SHANK2: variants seen among roughly 807,000 people sequenced by gnomAD.
The protein encoded by SHANK2 is SH3 and multiple ankyrin repeat domains 2, also known as SH3 and multiple ankyrin repeat domains protein 2.
SHANK2 carries 43 observed loss-of-function variants against 133.7 expected under a neutral mutation model. That is an observed-to-expected ratio of 0.32 (90% CI 0.25 to 0.41). The LOEUF (loss-of-function observed/expected upper bound fraction) is 0.41. Ranked by LOEUF, SHANK2 falls within the 10% of genes least tolerant of loss-of-function variation. The pLI is 1.00. For missense variants in SHANK2, 1,994 were observed against 2,235.8 expected (o/e 0.89, Z 2.18); for synonymous variants, 1,017 against 952.8 (o/e 1.07, Z -1.24).
intron 17 of SHANK2, among the ~76,000 whole-genome samples, chr11:70,650,676 C>T (rs886144596): frequency 6.6e-6 from 1 of 152,198 alleles, no homozygotes; most frequent in Non-Finnish European, 1.5e-5. Flanking sequence ...ACATTCCTGA[C>T]CCCCTAAGCT....
chr11:70,514,634 A>G (rs782329335), intron 17 of SHANK2, among the ~76,000 whole-genome samples: 3 of 152,224 alleles, frequency 2.0e-5, no homozygotes, highest in Admixed American at 6.5e-5. Flanking sequence ...TATATTTTAC[A>G]TGGAGTGTAC....
At chr11:71,113,890 C>T (rs551431311) in intron 4 of SHANK2, among the ~76,000 whole-genome samples, 1 of 152,364 alleles carries the variant, frequency 6.6e-6, no homozygotes, top group East Asian at 1.9e-4. Context: ...AACAGCAGCG[C>T]CTCCTTTGAA....
At chr11:71,065,106 T>C (rs1052256613) in intron 9 of SHANK2, among the ~76,000 whole-genome samples, 8 of 152,046 alleles carry the variant, frequency 5.3e-5, no homozygotes, top group Admixed American at 3.9e-4. Context: ...GGAAGTGCCA[T>C]GTGGGTGTGA....
rs781973634 is a variant in SHANK2, at chr11:70,485,547, G to A, written c.4746C>T (p.Pro1582=). 1 of 1,612,850 alleles carries A rather than the reference G, an allele frequency of 6.2e-7. No homozygotes were observed. ...VDSFVIPPPA[P]PPPPGSAQPG... ...GCTGGGCACTGCCCGGCGGGGGCGGGGGAGCGGGCGGGGGGATAACAAAGC... is the reference window on the plus strand; with the variant it reads ...GCTGGGCACTGCCCGGCGGGGGCGGAGGAGCGGGCGGGGGGATAACAAAGC... Residue 1582 remains proline, a synonymous_variant, in exon 25 of 26, where the codon CCC becomes CCT. Transcript: ENST00000601538. This position sits in a 1 kb window ranked among gnomAD's most constrained non-coding sequence, Gnocchi z 5.8.
At chr11:71,132,780 C>G (rs1342564747) in intron 3 of SHANK2, among the ~76,000 whole-genome samples, 2 of 152,202 alleles carry the variant, frequency 1.3e-5, no homozygotes, top group Non-Finnish European at 2.9e-5. Context: ...TCCATGGCAA[C>G]TTTCATTGGA....
chr11:70,632,407 C>T (rs1467239597), intron 17 of SHANK2, among the ~76,000 whole-genome samples: 2 of 152,060 alleles, frequency 1.3e-5, no homozygotes. Flanking sequence ...TTTAAGGATG[C>T]TATCCACGCT....
intron 1 of SHANK2, among the ~76,000 whole-genome samples, chr11:71,228,539 CCCG>C (rs1954682369): frequency 2.0e-5 from 3 of 152,184 alleles, no homozygotes. Context: ...GGTTGCATTA[CCCG>C]AGGTCAGGAG....
intron 17 of SHANK2, among the ~76,000 whole-genome samples, chr11:70,608,918 G>A (rs61885159): frequency 0.24 from 36,187 of 152,188 alleles, 4,492 homozygotes; most frequent in African/African-American, 0.3. Context: ...TTTGAATAAC[G>A]AGATAATGGA....
intron 3 of SHANK2, among the ~76,000 whole-genome samples, chr11:71,120,865 C>A (rs1486970409): frequency 6.6e-6 from 1 of 152,232 alleles, no homozygotes; most frequent in African/African-American, 2.4e-5. Flanking sequence ...ATGGCTCCCT[C>A]CCTGACACCT....
chr11:71,161,438 G>C (rs1953015114), intron 2 of SHANK2, among the ~76,000 whole-genome samples: 2 of 152,148 alleles, frequency 1.3e-5, no homozygotes, highest in Admixed American at 1.3e-4. Context: ...GATTAACTAA[G>C]AGCCTGGCAT....
intron 17 of SHANK2, among the ~76,000 whole-genome samples, chr11:70,648,933 G>C (rs1555009266): frequency 6.6e-6 from 1 of 152,182 alleles, no homozygotes. Context: ...ATGGCAGAGG[G>C]TTATGAGCGG....
chr11:71,184,020 G>A (rs1953621497), intron 2 of SHANK2, among the ~76,000 whole-genome samples: 1 of 152,124 alleles, frequency 6.6e-6, no homozygotes, highest in Non-Finnish European at 1.5e-5. Context: ...GCTCCTGACT[G>A]GGGAGCACTA....
intron 11 of SHANK2, among the ~76,000 whole-genome samples, chr11:70,891,392 C>T (rs1949843389): frequency 6.6e-6 from 1 of 152,120 alleles, no homozygotes; most frequent in African/African-American, 2.4e-5. Context: ...GTCCCAGCTA[C>T]TCCGGAGGCT....
At chr11:70,618,742 G>T (rs1257332087) in intron 17 of SHANK2, among the ~76,000 whole-genome samples, 1 of 152,222 alleles carries the variant, frequency 6.6e-6, no homozygotes, top group Non-Finnish European at 1.5e-5. Flanking sequence ...CCCTCATCAC[G>T]CTATGCTGAG....
chr11:71,218,531 G>A (rs1591031252), intron 2 of SHANK2, among the ~76,000 whole-genome samples: 1 of 152,080 alleles, frequency 6.6e-6, no homozygotes, highest in East Asian at 1.9e-4. Context: ...CCAAAGTGCT[G>A]GAATTACAGG....
intron 3 of SHANK2, among the ~76,000 whole-genome samples, chr11:71,128,812 G>A (rs558957462): frequency 3.2e-4 from 49 of 152,290 alleles, no homozygotes; most frequent in African/African-American, 1.2e-3. Context: ...TTGAGTCAGA[G>A]TCTCACTCTT....
At chr11:70,552,407 G>T (rs889026534) in intron 17 of SHANK2, among the ~76,000 whole-genome samples, 4 of 152,186 alleles carry the variant, frequency 2.6e-5, no homozygotes, top group African/African-American at 9.7e-5. Flanking sequence ...GCTCAATTTA[G>T]TTCCTGTATG....
chr11:71,132,656 A>G (rs1267241269), intron 3 of SHANK2, among the ~76,000 whole-genome samples: 1 of 152,212 alleles, frequency 6.6e-6, no homozygotes, highest in Non-Finnish European at 1.5e-5. Flanking sequence ...GGGTCCACAT[A>G]TAATCCTTAC....
intron 17 of SHANK2, among the ~76,000 whole-genome samples, chr11:70,643,692 T>C (rs1555007203): frequency 1.3e-5 from 2 of 152,194 alleles, no homozygotes; most frequent in Non-Finnish European, 2.9e-5. Context: ...TATTCCTCTT[T>C]CTTTTATACG....
Sources: allele counts gnomAD v4.1 joint callset (sites outside exome capture counted in the v4.1 genomes callset), GRCh38; gene constraint gnomAD v4.1.1; non-coding constraint Gnocchi (gnomAD v3.1); transcripts MANE v1.5; gene names NCBI Gene and HGNC (gene_info 2026-07-23, HGNC 2026-07-21).